TYK2: variants seen among roughly 807,000 people sequenced by gnomAD.
TYK2 encodes the protein non-receptor tyrosine-protein kinase TYK2.
TYK2 carries 65 observed loss-of-function variants against 130.9 expected under a neutral mutation model. The observed-to-expected ratio is 0.50, with a 90% CI of 0.41 to 0.61. The LOEUF is 0.61. Ranked by LOEUF, TYK2 falls within the 20% of genes least tolerant of loss-of-function variation. TYK2 has a pLI of 0.00. For missense variants in TYK2, 1,378 were observed against 1,610.7 expected, an observed-to-expected ratio of 0.86 and a Z score of 2.47; for synonymous variants, 647 against 658.9, an observed-to-expected ratio of 0.98 and a Z score of 0.28.
intron 14 of TYK2, among the ~76,000 whole-genome samples, chr19:10,359,753 G>C (rs1458416834): frequency 1.3e-5 from 2 of 152,074 alleles, no homozygotes; most frequent in African/African-American, 2.4e-5. Context: ...GCTGAGGCGG[G>C]CGGATCACAA....
At chr19:10,352,825 A>C in intron 22 of TYK2, 101 bp downstream of exon 22, 2 of 1,434,884 alleles carry the variant, frequency 1.4e-6, no homozygotes, top group Middle Eastern at 4.9e-4. Flanking sequence ...GCCGCGCTTC[A>C]CTGGGATCAT....
Position 10,353,518 on chromosome 19 carries a change from G to A in TYK2, c.3027+10C>T, listed in dbSNP as rs1463192062. The stretch of plus-strand genomic sequence containing the variant: ...GGCAAGCTCCAGAAGCAGGGGCGGG[G>A]CCGACCAACCTCGCAGATCTGCTGG... On this transcript the variant is annotated intron_variant, in intron 21 of 24. Transcript: ENST00000525621. This position sits in a 1 kb window ranked among gnomAD's most constrained non-coding sequence, Gnocchi z 6.9. 6.7e-7 allele frequency: 1 copy of A among 1,495,942 alleles called. No individual in the cohort carries two copies. Among genetic ancestry groups the A allele is most frequent in the Non-Finnish European group, 8.9e-7 (1 of 1,118,228 alleles). The allele number at this position is 1,495,942 out of a possible 1,614,324, so 92.7% of individuals were successfully genotyped here.
chr19:10,363,035 C>T (rs1235750962), intron 9 of TYK2, among the ~76,000 whole-genome samples: 1 of 152,000 alleles, frequency 6.6e-6, no homozygotes, highest in Non-Finnish European at 1.5e-5. Flanking sequence ...GCCACCATGC[C>T]CAGCTAATTT....
Position 10,364,233 on chromosome 19 carries a change from G to A in TYK2, c.1367+381C>T, listed in dbSNP as rs188063794. Among the ~76,000 whole-genome samples the A allele has an allele frequency of 4.6e-4, 70 of 152,274 alleles. No homozygotes were observed. The highest frequency in any genetic ancestry group is 7.1e-4 in the Non-Finnish European group (48 of 68,022). On this transcript the variant is annotated intron_variant, in intron 9 of 24. Transcript: ENST00000525621. The surrounding 1 kb of genome is among the most constrained non-coding windows in gnomAD (Gnocchi z 4.9). ...TCAACACACAATGACAGTCATGGCC[G>A]GGCGTGGTGGCTCATGCCTGTAATA...
At chr19:10,354,708 G>C (rs2040998690) in intron 18 of TYK2, 99 bp from the exon 19 acceptor site, 2 of 971,970 alleles carry the variant, frequency 2.1e-6, no homozygotes, top group Admixed American at 3.7e-5. Context: ...CCCAGGATCC[G>C]ATTCTAGAGG....
intron 9 of TYK2, 98 bp from the exon 10 acceptor site, chr19:10,362,755 C>T (rs2041473925): frequency 9.6e-7 from 1 of 1,047,010 alleles, no homozygotes; most frequent in South Asian, 1.4e-5. Context: ...AGGGCACACA[C>T]ACAGCTAGGA....
chr19:10,350,910 T>C lies in TYK2; in HGVS notation c.3488A>G (p.Glu1163Gly), dbSNP rs55886939. 6,264 of 1,614,180 alleles carry C rather than the reference T, an allele frequency of 3.9e-3. 94 individuals are homozygous for C. The highest frequency in any genetic ancestry group is 0.031 in the South Asian group (2,782 of 91,080). Reference sequence around the variant, plus strand: ...TGTCTTCAGAATGGGTATGAGGTTCTCGAAGGTTGGGCGAAAGGACGCCTC... The same window carrying C: ...TGTCTTCAGAATGGGTATGAGGTTCCCGAAGGTTGGGCGAAAGGACGCCTC... ...ETEASFRPTF[E>G]NLIPILKTVH... The change falls in exon 25 of 25, where the codon GAG becomes GGG. Residue 1163 changes from glutamate (E) to glycine (G), a missense_variant. Glu to Gly is a moderately conservative substitution (Grantham distance 98). Transcript: ENST00000525621.
intron 7 of TYK2, among the ~76,000 whole-genome samples, 160 bp downstream of exon 7, chr19:10,365,357 G>A (rs577866504): frequency 2.6e-5 from 4 of 152,150 alleles, no homozygotes; most frequent in Admixed American, 2.0e-4. Context: ...AGCAGATGGA[G>A]GACCTTCTCC....
intron 3 of TYK2, 199 bp from the exon 4 acceptor site, chr19:10,368,617 C>T (rs1390240803): frequency 4.5e-6 from 3 of 670,070 alleles, no homozygotes; most frequent in Non-Finnish European, 7.4e-6. Context: ...ACTACATTTC[C>T]CAGCCTCCCT....
At chr19:10,356,545 C>T (rs752667945) in intron 18 of TYK2, 23 bp downstream of exon 18, 132 of 1,611,770 alleles carry the variant, frequency 8.2e-5, no homozygotes, top group Non-Finnish European at 1.1e-4. Context: ...TCCCCAGGGT[C>T]CCAGCACTGG....
At chr19:10,372,727 G>A (rs1450063945) in intron 3 of TYK2, among the ~76,000 whole-genome samples, 1 of 150,894 alleles carries the variant, frequency 6.6e-6, no homozygotes, top group Non-Finnish European at 1.5e-5. Flanking sequence ...CTGGGCTCAA[G>A]TGATCCTCCA....
rs370551215 is a variant in TYK2 at position 10,362,702 on chromosome 19, C to A, written c.1368-45G>T. 4 of 1,487,056 alleles carry A rather than the reference C, an allele frequency of 2.7e-6. No homozygotes were observed. In the African/African-American group the frequency reaches 5.6e-5, roughly 21 times the overall value. The allele number at this position is 1,487,056 out of a possible 1,614,324, so 92.1% of individuals were successfully genotyped here. A position where few individuals can be genotyped will look rare whatever the true frequency, so the allele number is the denominator to read the frequency against. ...GACTATCAGGCCACCTGGGGCCACT[C>A]TGGACCCATACCCGGGAACAATGAC... On this transcript the variant is annotated intron_variant, in intron 9 of 24. Coordinates refer to ENST00000525621, the MANE Select transcript of TYK2 (RefSeq NM_003331.5).
rs1216724607 is a variant in TYK2, at chr19:10,368,422, G to T, written c.194-4C>A. On this transcript the variant is annotated splice_polypyrimidine_tract_variant and splice_region_variant and intron_variant, in intron 3 of 24. Transcript: ENST00000525621. ...TTGAAGCAAGGAGGAGTGATACCTG[G>T]ATCAGGTGAGAAACGAGGTCAGGAG... 1.2e-6 allele frequency: 2 copies of T among 1,613,946 alleles called. No homozygotes were observed. The highest frequency in any genetic ancestry group is 1.7e-5 in the Admixed American group (1 of 59,990).
Position 10,350,742 on chromosome 19 carries a change from C to T in TYK2, c.*92G>A. 1 of 1,488,090 alleles carries T rather than the reference C, an allele frequency of 6.7e-7. No homozygotes were observed. The highest frequency in any genetic ancestry group is 1.2e-5 in the South Asian group (1 of 86,880). 92.2% of individuals were successfully genotyped at this position (1,488,090 alleles called of 1,614,324 possible). A position where few individuals can be genotyped will look rare whatever the true frequency, so the allele number is the denominator to read the frequency against. On this transcript the variant is annotated 3_prime_UTR_variant, in exon 25 of 25. Transcript: ENST00000525621. Reference sequence around the variant, plus strand: ...CACGGTGTGGGTGAGGCTGACATCCCCCTCTTGGTTTCATCCTGGAGCAGG... The same window carrying T: ...CACGGTGTGGGTGAGGCTGACATCCTCCTCTTGGTTTCATCCTGGAGCAGG...
In TYK2 at chr19:10,357,796, C is replaced by G; in HGVS notation, c.2434G>C (p.Glu812Gln). 6.2e-7 allele frequency: 1 copy of G among 1,613,180 alleles called. No homozygotes were observed. Among genetic ancestry groups the G allele is most frequent in the Non-Finnish European group, 8.5e-7 (1 of 1,179,772 alleles). Residue 812 changes from glutamate to glutamine, a missense_variant, in exon 17 of 25, where the codon GAG becomes CAG. Physicochemically the swap from Glu to Gln is conservative, Grantham distance 29 (BLOSUM62 2). Coordinates refer to ENST00000525621, the MANE Select transcript of TYK2 (RefSeq NM_003331.5). ...ATLLEICFDG[E>Q]APLQSRSPSE... The stretch of plus-strand genomic sequence containing the variant: ...GGACTGCGGCTCTGCAGAGGGGCCT[C>G]TCCGTCAAAGCAGATCTCCAGGAGG...
intron 22 of TYK2, 87 bp downstream of exon 22, chr19:10,352,839 C>G: frequency 6.8e-7 from 1 of 1,462,764 alleles, no homozygotes; most frequent in Non-Finnish European, 9.2e-7. Flanking sequence ...GGATCATGCC[C>G]TATCATGATA....
Position 10,368,494 on chromosome 19 carries a change from G to A in TYK2, c.194-76C>T, listed in dbSNP as rs1246355221. 3.7e-6 allele frequency: 6 copies of A among 1,606,040 alleles called. No individual in the cohort carries two copies. The African/African-American group carries it at 8.0e-5, about 21-fold the overall frequency. On this transcript the variant is annotated intron_variant, in intron 3 of 24. Transcript: ENST00000525621. ...GCCCCAAAGACCCCCCAGACCCAAT[G>A]TCTGCCTTCACACTCCCTCTGAGGC...
chr19:10,354,490 G>A lies in TYK2; in HGVS notation c.2715+22C>T. On this transcript the variant is annotated intron_variant, in intron 19 of 24. Transcript: ENST00000525621. Reference sequence around the variant, plus strand: ...CCTTCCCGACCAGGCGGGCCTTTTAGCAGCTCAGGCCCGTCCCTCACCTCG... The same window carrying A: ...CCTTCCCGACCAGGCGGGCCTTTTAACAGCTCAGGCCCGTCCCTCACCTCG... The A allele has an allele frequency of 1.2e-6, 2 of 1,608,070 alleles. 1 individual carries two copies. Among genetic ancestry groups the A allele is most frequent in the South Asian group, 2.2e-5 (2 of 90,966 alleles).
At chr19:10,369,204 C>G (rs1193563360) in intron 3 of TYK2, among the ~76,000 whole-genome samples, 1 of 152,128 alleles carries the variant, frequency 6.6e-6, no homozygotes, top group Non-Finnish European at 1.5e-5. Context: ...CAAACTGCTG[C>G]AATTGTCTGG....
Sources: gnomAD v4.1 joint callset for allele counts (sites outside exome capture counted in the v4.1 genomes callset) on GRCh38, gnomAD v4.1.1 for gene constraint, Gnocchi (gnomAD v3.1) non-coding constraint, MANE v1.5 for transcripts, NCBI Gene and HGNC (gene_info 2026-07-23, HGNC 2026-07-21) for gene names.